Variants in PIWIL3 observed in about 807,000 individuals in gnomAD.
PIWIL3 encodes piwi-like protein 3.
A neutral mutation model predicts 109.7 loss-of-function variants in PIWIL3; 101 were observed. The ratio of observed to expected loss-of-function variants is 0.92; its 90% CI spans 0.78 to 1.09. PIWIL3 has a LOEUF of 1.09. PIWIL3 is among the 50% of genes least tolerant of loss of function. PIWIL3 has a pLI of 0.00. For missense variants in PIWIL3, 1,031 were observed against 1,072.6 expected, an observed-to-expected ratio of 0.96 and a Z score of 0.54; for synonymous variants, 373 against 376.4, an observed-to-expected ratio of 0.99 and a Z score of 0.10.
chr22:24,739,343 G>A (rs1253214769), intron 12 of PIWIL3, among the ~76,000 whole-genome samples: 1 of 152,116 alleles, frequency 6.6e-6, no homozygotes, highest in Non-Finnish European at 1.5e-5. Context: ...CAATATCTAA[G>A]TATAAAGTGG....
intron 20 of PIWIL3, 67 bp downstream of exon 20, chr22:24,719,681 C>T: frequency 6.4e-7 from 1 of 1,556,106 alleles, no homozygotes; most frequent in Non-Finnish European, 8.8e-7. Flanking sequence ...TTCAGAGGTC[C>T]AACATTGTTC....
chr22:24,760,414 G>T (rs958809360), intron 2 of PIWIL3, among the ~76,000 whole-genome samples: 2 of 152,120 alleles, frequency 1.3e-5, no homozygotes, highest in African/African-American at 4.8e-5. Context: ...AGTGTGGCTG[G>T]AAGAAGAGGG....
intron 13 of PIWIL3, 26 bp downstream of exon 13, chr22:24,735,682 C>A: frequency 1.3e-6 from 2 of 1,548,418 alleles, no homozygotes; most frequent in South Asian, 2.4e-5. Flanking sequence ...AATCGATTTT[C>A]AAATGGGAAT....
At position 24,755,895 on chromosome 22, in the gene PIWIL3, C is replaced by T. The variant is rs764582277; in HGVS notation, c.581G>A (p.Trp194Ter). 1 of 1,611,368 alleles carries T rather than the reference C, an allele frequency of 6.2e-7. No individual in the cohort carries two copies. Among genetic ancestry groups the T allele is most frequent in the Non-Finnish European group, 8.5e-7 (1 of 1,178,784 alleles). ...GTTTTTGTCTTTGGTTGTGCTCAAC[C>T]ATTCCACTCTCTGAGATTAAAAAAA... ...SRPLKERRVE[W>*]LSTTKDKNIV... The change falls in exon 6 of 21, where the codon TGG becomes TAG. Residue 194 changes from tryptophan (W) to a stop codon, truncating the protein, a stop_gained. Transcript: ENST00000616349. LOFTEE classifies it high-confidence loss of function.
rs773740105 is a variant in PIWIL3, at chr22:24,754,129, G to A, written c.862C>T (p.Leu288=). 5.6e-6 allele frequency: 9 copies of A among 1,613,788 alleles called. No individual in the cohort carries two copies. Among genetic ancestry groups the A allele is most frequent in the Admixed American group, 1.7e-5 (1 of 60,002 alleles). The change falls in exon 8 of 21, where the codon CTG becomes TTG. Residue 288 remains leucine (L), a synonymous_variant. Transcript: ENST00000616349. Reference sequence around the variant, plus strand: ...TCATAAGCAGTTTCTATTCGGAGCAGTTTGTGGCTCACATCGGCACAGAGG... The same window carrying A: ...TCATAAGCAGTTTCTATTCGGAGCAATTTGTGGCTCACATCGGCACAGAGG... ...ITLCADVSHK[L]LRIETAYDFI...
At chr22:24,766,079 G>A (rs1338921547) in intron 1 of PIWIL3, among the ~76,000 whole-genome samples, 2 of 151,250 alleles carry the variant, frequency 1.3e-5, no homozygotes, top group Non-Finnish European at 2.9e-5. Context: ...TCAGCCTCCT[G>A]GGTTCAAGAA....
At chr22:24,738,343 A>G (rs1400375522) in intron 12 of PIWIL3, among the ~76,000 whole-genome samples, 2 of 152,216 alleles carry the variant, frequency 1.3e-5, no homozygotes, top group Non-Finnish European at 2.9e-5. Context: ...CCTGAAGGGA[A>G]GGACATAAGT....
chr22:24,754,790 C>A lies in PIWIL3; in HGVS notation c.767G>T (p.Arg256Leu). 1 of 1,602,344 alleles carries A rather than the reference C, an allele frequency of 6.2e-7. No individual in the cohort carries two copies. Among genetic ancestry groups the A allele is most frequent in the Non-Finnish European group, 8.6e-7 (1 of 1,169,554 alleles). Residue 256 changes from arginine (R) to leucine (L), a missense_variant, in exon 7 of 21, where the codon CGT (arginine) becomes CTT (leucine). Arg to Leu is a moderately radical substitution (Grantham distance 102). Transcript: ENST00000616349. ...YTKKKAIQLY[R>L]HGTSLEIWLG... ...TTTTCTACTTTATACAAACCCATGA[C>A]GGTATAACTGAATGGCCTTCTTTTT...
At chr22:24,760,020 C>T (rs763697788) in intron 2 of PIWIL3, 31 bp from the exon 3 acceptor site, 2 of 1,612,514 alleles carry the variant, frequency 1.2e-6, no homozygotes, top group South Asian at 1.1e-5. Context: ...AAATAATGAG[C>T]AGTGCCCTAC....
chr22:24,757,905 T>C lies in PIWIL3; in HGVS notation c.355+3A>G, dbSNP rs765551726. 18 of 1,594,858 alleles carry C rather than the reference T, an allele frequency of 1.1e-5. No homozygotes were observed. The highest frequency in any genetic ancestry group is 1.5e-5 in the Non-Finnish European group (18 of 1,173,954). On this transcript the variant is annotated splice_donor_region_variant and intron_variant, in intron 4 of 20. Coordinates refer to ENST00000616349, the MANE Select transcript of PIWIL3 (RefSeq NM_001255975.1). ...ATAAACATTGAGTTCTAGACCAACA[T>C]ACCTGTTTTTGAGTCTTTAACATGC...
chr22:24,754,238 G>A (rs746955152), intron 7 of PIWIL3, 21 bp from the exon 8 acceptor site: 2 of 1,590,508 alleles, frequency 1.3e-6, no homozygotes, highest in African/African-American at 2.7e-5. Flanking sequence ...TTACATGAGA[G>A]TATTAGTCCG....
At chr22:24,721,187 T>G (rs1922655249) in intron 19 of PIWIL3, among the ~76,000 whole-genome samples, 1 of 152,238 alleles carries the variant, frequency 6.6e-6, no homozygotes, top group Non-Finnish European at 1.5e-5. Flanking sequence ...CTTGATAAGT[T>G]AGCCGGGTAT....
chr22:24,726,090 G>A (rs1922976967), intron 16 of PIWIL3, among the ~76,000 whole-genome samples: 1 of 152,120 alleles, frequency 6.6e-6, no homozygotes, highest in African/African-American at 2.4e-5. Flanking sequence ...AGCATGACCA[G>A]GCGTCTCGGC....
chr22:24,751,491 T>A lies in PIWIL3; in HGVS notation c.985A>T (p.Asn329Tyr). Residue 329 changes from asparagine to tyrosine, a missense_variant, in exon 9 of 21, where the codon AAC becomes TAC. By Grantham distance (143) the Asn-to-Tyr change is moderately radical. Transcript: ENST00000616349. ...ATATCATCTACTCTGTAGGTTTTGT[T>A]GTTGTATCTGTGGAATAATTACAAT... ...IGSIVLTKYNNKTYRVDDIDW... is the reference protein window; with the variant it reads ...IGSIVLTKYNYKTYRVDDIDW... 6.2e-7 allele frequency: 1 copy of A among 1,609,934 alleles called. No homozygotes were observed. The highest frequency in any genetic ancestry group is 8.5e-7 in the Non-Finnish European group (1 of 1,179,068).
chr22:24,726,953 T>C (rs182964764), intron 16 of PIWIL3, among the ~76,000 whole-genome samples: 160 of 152,256 alleles, frequency 1.1e-3, no homozygotes, highest in African/African-American at 3.6e-3. Flanking sequence ...CAAGGTGCAG[T>C]GTGGTTTCTA....
chr22:24,722,368 C>A (rs1922724571), intron 19 of PIWIL3, among the ~76,000 whole-genome samples: 1 of 151,804 alleles, frequency 6.6e-6, no homozygotes, highest in Non-Finnish European at 1.5e-5. Flanking sequence ...AGGTGTGAGC[C>A]ACCGTGCCCA....
intron 14 of PIWIL3, 61 bp from the exon 15 acceptor site, chr22:24,728,435 A>C: frequency 6.2e-7 from 1 of 1,601,726 alleles, no homozygotes; most frequent in Non-Finnish European, 8.5e-7. Context: ...AGGAAAGAAA[A>C]ACCATCTGGA....
chr22:24,730,768 G>A (rs1923304595), intron 14 of PIWIL3, among the ~76,000 whole-genome samples: 1 of 152,132 alleles, frequency 6.6e-6, no homozygotes, highest in South Asian at 2.1e-4. Context: ...GTAAAATTTT[G>A]TGTTTAAAAT....
At chr22:24,727,869 A>T in intron 16 of PIWIL3, 81 bp downstream of exon 16, 1 of 1,125,912 alleles carries the variant, frequency 8.9e-7, no homozygotes, top group Non-Finnish European at 1.3e-6. Flanking sequence ...CTCTTGAGTT[A>T]ACACATATTA....
Sources: allele counts gnomAD v4.1 joint callset (sites outside exome capture counted in the v4.1 genomes callset), GRCh38; gene constraint gnomAD v4.1.1; transcripts MANE v1.5; gene names NCBI Gene and HGNC (gene_info 2026-07-23, HGNC 2026-07-21).